HS3ST5: variants seen among roughly 807,000 people sequenced by gnomAD.
HS3ST5 encodes heparan sulfate-glucosamine 3-sulfotransferase 5, also known as heparan sulfate glucosamine 3-O-sulfotransferase 5.
A neutral mutation model predicts 25.4 loss-of-function variants in HS3ST5; 10 were observed. The ratio of observed to expected loss-of-function variants is 0.39; its 90% CI spans 0.24 to 0.67. The LOEUF is 0.67. Among genes scored for constraint, HS3ST5 ranks in the 30% least tolerant of loss-of-function variants. The pLI is 0.44. For synonymous variants in HS3ST5, 170 were observed against 162.4 expected, an observed-to-expected ratio of 1.05 and a Z score of -0.36; for missense variants, 324 against 420.7, an observed-to-expected ratio of 0.77 and a Z score of 2.01.
intron 3 of HS3ST5, among the ~76,000 whole-genome samples, chr6:114,155,126 T>C (rs1033446426): frequency 1.3e-5 from 2 of 152,204 alleles, no homozygotes. Flanking sequence ...AATTATCTTG[T>C]AGAACAATAT....
At chr6:114,289,163 TATTTCATAGAAG>T (rs1774464322) in intron 1 of HS3ST5, among the ~76,000 whole-genome samples, 1 of 152,114 alleles carries the variant, frequency 6.6e-6, no homozygotes, top group Admixed American at 6.6e-5. Flanking sequence ...TTTTAAAATC[TATTTCATAGAAG>T]ATATCATAAT....
intron 3 of HS3ST5, among the ~76,000 whole-genome samples, chr6:114,152,753 C>T (rs756419267): frequency 6.6e-6 from 1 of 152,136 alleles, no homozygotes; most frequent in Non-Finnish European, 1.5e-5. Context: ...AAGTGCGATC[C>T]CAAGTGGCCT....
chr6:114,332,700 GTAC>G (rs953796834), intron 1 of HS3ST5, among the ~76,000 whole-genome samples: 3 of 152,090 alleles, frequency 2.0e-5, no homozygotes, highest in African/African-American at 7.2e-5. Context: ...AGTATGATCT[GTAC>G]TACCAAACAG....
intron 1 of HS3ST5, among the ~76,000 whole-genome samples, chr6:114,306,554 A>G (rs73542399): frequency 0.035 from 5,393 of 152,024 alleles, 320 homozygotes; most frequent in African/African-American, 0.12. Context: ...AAGTGTTTCT[A>G]TATTTTAGCT....
At chr6:114,218,209 G>A (rs996285955) in intron 2 of HS3ST5, among the ~76,000 whole-genome samples, 14 of 152,200 alleles carry the variant, frequency 9.2e-5, no homozygotes, top group Middle Eastern at 3.4e-3. Flanking sequence ...TGTCGGCCAG[G>A]CTGGTCTCAA....
At chr6:114,154,484 TC>T (rs1778604759) in intron 3 of HS3ST5, among the ~76,000 whole-genome samples, 1 of 152,138 alleles carries the variant, frequency 6.6e-6, no homozygotes, top group Non-Finnish European at 1.5e-5. Flanking sequence ...ATAGCAAGAC[TC>T]CATGTCTGTT....
At chr6:114,246,527 TAAA>T (rs1271249873) in intron 1 of HS3ST5, among the ~76,000 whole-genome samples, 2 of 152,222 alleles carry the variant, frequency 1.3e-5, no homozygotes, top group African/African-American at 4.8e-5. Context: ...GGTTCAGCTT[TAAA>T]AGACAATAAG....
chr6:114,159,749 G>A (rs1409845995), intron 3 of HS3ST5, among the ~76,000 whole-genome samples: 1 of 152,138 alleles, frequency 6.6e-6, no homozygotes, highest in African/African-American at 2.4e-5. Context: ...ACTCATTTAA[G>A]CCTAAGACAT....
At chr6:114,068,558 G>A (rs1773600299) in intron 3 of HS3ST5, among the ~76,000 whole-genome samples, 1 of 152,100 alleles carries the variant, frequency 6.6e-6, no homozygotes, top group Non-Finnish European at 1.5e-5. Context: ...ACAAAGAGAA[G>A]GCACACCATT....
At chr6:114,192,518 G>C (rs1780551029) in intron 2 of HS3ST5, among the ~76,000 whole-genome samples, 1 of 152,062 alleles carries the variant, frequency 6.6e-6, no homozygotes, top group South Asian at 2.1e-4. Flanking sequence ...CTTCCACCCA[G>C]GTTTTTTTGA....
At chr6:114,120,306 A>G (rs778277704) in intron 3 of HS3ST5, among the ~76,000 whole-genome samples, 13 of 152,186 alleles carry the variant, frequency 8.5e-5, no homozygotes, top group Non-Finnish European at 1.9e-4. Flanking sequence ...GCCTCTAGAT[A>G]GGAGTAAACA....
intron 1 of HS3ST5, among the ~76,000 whole-genome samples, chr6:114,279,808 A>G (rs544636827): frequency 6.6e-5 from 10 of 152,146 alleles, no homozygotes; most frequent in African/African-American, 2.2e-4. Context: ...AGCTGGCTCC[A>G]AACAGTGTGC....
intron 2 of HS3ST5, among the ~76,000 whole-genome samples, chr6:114,192,023 A>G (rs533589796): frequency 6.1e-4 from 93 of 152,286 alleles, no homozygotes; most frequent in Non-Finnish European, 9.9e-4. Flanking sequence ...CTGTTCTTCA[A>G]GAGAGAAAAT....
intron 3 of HS3ST5, among the ~76,000 whole-genome samples, chr6:114,163,789 G>A (rs1005188708): frequency 2.6e-5 from 4 of 152,028 alleles, no homozygotes; most frequent in African/African-American, 9.7e-5. Context: ...GTCGATCATT[G>A]TTTCTATTTG....
At chr6:114,314,082 C>T (rs967716358) in intron 1 of HS3ST5, among the ~76,000 whole-genome samples, 9 of 152,152 alleles carry the variant, frequency 5.9e-5, no homozygotes, top group African/African-American at 1.7e-4. Flanking sequence ...TGCCCCACCA[C>T]GCCTGGCTAA....
intron 3 of HS3ST5, among the ~76,000 whole-genome samples, chr6:114,104,604 C>A (rs1054074746): frequency 6.6e-6 from 1 of 152,140 alleles, no homozygotes; most frequent in Non-Finnish European, 1.5e-5. Context: ...AGCAACATGT[C>A]GGGCATGAAA....
At chr6:114,331,043 T>G (rs764980714) in intron 1 of HS3ST5, among the ~76,000 whole-genome samples, 2 of 152,246 alleles carry the variant, frequency 1.3e-5, no homozygotes, top group Non-Finnish European at 2.9e-5. Flanking sequence ...CGTGTAAGAC[T>G]TGTTCAGCTT....
intron 3 of HS3ST5, among the ~76,000 whole-genome samples, chr6:114,138,828 T>C (rs1180426091): frequency 6.6e-6 from 1 of 152,098 alleles, no homozygotes; most frequent in African/African-American, 2.4e-5. Flanking sequence ...AGAAATGTAT[T>C]TCTTAGTTTT....
chr6:114,253,010 A>AC (rs200033017), intron 1 of HS3ST5, among the ~76,000 whole-genome samples: 54 of 152,126 alleles, frequency 3.5e-4, no homozygotes, highest in African/African-American at 1.2e-3. Context: ...AGGAGATGAG[A>AC]CCCCATCTCC....
Sources: allele counts gnomAD v4.1 joint callset (sites outside exome capture counted in the v4.1 genomes callset), GRCh38; gene constraint gnomAD v4.1.1; transcripts MANE v1.5; gene names NCBI Gene and HGNC (gene_info 2026-07-23, HGNC 2026-07-21).